The following IL27RA variants were observed in gnomAD, a reference collection of about 807,000 sequenced individuals.
IL27RA encodes interleukin 27 receptor subunit alpha.
In IL27RA, 61 loss-of-function variants were observed where a neutral mutation model predicts 80.8. That is an observed-to-expected ratio of 0.76 (90% CI 0.61 to 0.93). The LOEUF (loss-of-function observed/expected upper bound fraction) is 0.93, where lower values mean the gene tolerates loss of function less well. Among genes scored for constraint, IL27RA ranks in the 40% least tolerant of loss-of-function variants. The pLI is 0.00. For synonymous variants in IL27RA, 316 were observed against 332.5 expected (o/e 0.95, Z 0.54); for missense variants, 735 against 808.1 (o/e 0.91, Z 1.10).
At chr19:14,050,627 G>A (rs762677633) in intron 10 of IL27RA, 131 bp from the exon 11 acceptor site, 8 of 917,272 alleles carry the variant, frequency 8.7e-6, no homozygotes, top group Non-Finnish European at 1.3e-5. Context: ...TTTGAGCAAA[G>A]ACCTAAAAGA....
At chr19:14,038,813 G>C (rs1403282019) in intron 2 of IL27RA, among the ~76,000 whole-genome samples, 1 of 151,850 alleles carries the variant, frequency 6.6e-6, no homozygotes. Flanking sequence ...GAACCTGGGA[G>C]GCAGAGGTTG....
rs893985368 is a variant in IL27RA, at chr19:14,049,219, C to T, written c.1307C>T (p.Ala436Val). 3.7e-6 allele frequency: 6 copies of T among 1,614,024 alleles called. No individual in the cohort carries two copies. Among genetic ancestry groups the T allele is most frequent in the South Asian group, 1.1e-5 (1 of 91,086 alleles). Residue 436 changes from alanine (A) to valine (V), a missense_variant, in exon 10 of 14, where the codon GCG becomes GTG. Ala to Val is a moderately conservative substitution (Grantham distance 64). Coordinates refer to ENST00000263379, the MANE Select transcript of IL27RA (RefSeq NM_004843.4). ...GCCCCTCCAGGGACCCCCGCCATAG[C>T]GTGGGGAGAGGTCCCAAGGCACCAG... ...QDAPPGTPAI[A>V]WGEVPRHQLR...
chr19:14,036,489 C>CTTTTTT (rs34609073), intron 2 of IL27RA, among the ~76,000 whole-genome samples: 1 of 135,380 alleles, frequency 7.4e-6, no homozygotes, highest in Non-Finnish European at 1.6e-5. Flanking sequence ...ACAGGATTTC[C>CTTTTTT]TTTTTTTTTT....
intron 8 of IL27RA, 145 bp downstream of exon 8, chr19:14,046,763 G>T: frequency 2.8e-6 from 2 of 725,798 alleles, no homozygotes; most frequent in Non-Finnish European, 4.4e-6. Flanking sequence ...TTGGGAGGCC[G>T]AAAGGGGCGG....
At position 14,031,945 on chromosome 19, in the gene IL27RA, G is replaced by A. The variant is rs1249731949; in HGVS notation, c.73G>A (p.Val25Met). 1 of 1,611,136 alleles carries A rather than the reference G, an allele frequency of 6.2e-7. No homozygotes were observed. Among genetic ancestry groups the A allele is most frequent in the Non-Finnish European group, 8.5e-7 (1 of 1,178,874 alleles). ...PKLALLPLLWVLFQRTRPQGS... is the reference protein window; with the variant it reads ...PKLALLPLLWMLFQRTRPQGS... ...GCTGGCGCTGCTGCCTCTGTTGTGG[G>A]TGCTTTTCCAGCGGACGCGTCCCCA... Residue 25 changes from valine (V) to methionine (M), a missense_variant, in exon 1 of 14, where the codon GTG becomes ATG. Physicochemically the swap from Val to Met is conservative, Grantham distance 21 (BLOSUM62 1). Transcript: ENST00000263379.
At chr19:14,038,894 AAAAAAG>A (rs1568500023) in intron 2 of IL27RA, among the ~76,000 whole-genome samples, 1 of 146,520 alleles carries the variant, frequency 6.8e-6, no homozygotes, top group African/African-American at 2.4e-5. Flanking sequence ...CAAAAGAAAA[AAAAAAG>A]AGAGAGAGAA....
chr19:14,042,008 G>A (rs1025086890), intron 4 of IL27RA, among the ~76,000 whole-genome samples: 4 of 152,098 alleles, frequency 2.6e-5, no homozygotes, highest in African/African-American at 7.2e-5. Context: ...AGACCATCTT[G>A]GCCAACATGG....
At position 14,038,871 on chromosome 19, in the gene IL27RA, C is replaced by CA. The variant is rs1433953911; in HGVS notation, c.219-632dup. Among the ~76,000 whole-genome samples the CA allele has an allele frequency of 2.9e-5, 3 of 103,292 alleles. 1 individual carries two copies. Among genetic ancestry groups the CA allele is most frequent in the Admixed American group, 1.1e-4 (1 of 8,746 alleles). The allele number at this position is 103,292 out of a possible 152,430, so 67.8% of individuals were successfully genotyped here. A position where few individuals can be genotyped will look rare whatever the true frequency, so the allele number is the denominator to read the frequency against. On this transcript the variant is annotated intron_variant, in intron 2 of 13. Coordinates refer to ENST00000263379, the MANE Select transcript of IL27RA (RefSeq NM_004843.4). The stretch of plus-strand genomic sequence containing the variant: ...TGCACTCCAAGCTGGGCAACAAGAA[C>CA]AAAAATCTGTCTCAAAAGAAAAAAA...
intron 8 of IL27RA, among the ~76,000 whole-genome samples, chr19:14,048,429 A>G (rs143119833): frequency 1.2e-3 from 181 of 152,282 alleles, no homozygotes; most frequent in African/African-American, 4.2e-3. Context: ...GGGGAAGGCT[A>G]TGTGGATGTG....
chr19:14,045,252 A>T (rs564641100), intron 6 of IL27RA, among the ~76,000 whole-genome samples: 9 of 150,412 alleles, frequency 6.0e-5, no homozygotes, highest in Admixed American at 2.7e-4. Flanking sequence ...GCACCACCGC[A>T]CTTCAGCCTG....
chr19:14,038,073 A>G (rs1599297930), intron 2 of IL27RA, among the ~76,000 whole-genome samples: 1 of 150,348 alleles, frequency 6.7e-6, no homozygotes, highest in Non-Finnish European at 1.5e-5. Flanking sequence ...TTCGTGATCC[A>G]CCTGCCTCGG....
In IL27RA at chr19:14,050,777, T is replaced by A. The variant is rs1468333933; in HGVS notation, c.1422T>A (p.Ser474Arg). 2 of 1,612,776 alleles carry A rather than the reference T, an allele frequency of 1.2e-6. No individual in the cohort carries two copies. Among genetic ancestry groups the A allele is most frequent in the African/African-American group, 2.7e-5 (2 of 74,860 alleles). The stretch of plus-strand genomic sequence containing the variant: ...CTCCAGTGAGTGGCAACACACAGAG[T>A]GTCACCCTGCCTGACCTTCCTTGGG... ...VCMNVSGNTQ[S>R]VTLPDLPWGP... The change falls in exon 11 of 14, where the codon AGT (serine) becomes AGA (arginine). Residue 474 changes from serine (S) to arginine (R), a missense_variant. Transcript: ENST00000263379.
rs765424605 is a variant in IL27RA at position 14,031,942 on chromosome 19, TG to T, written c.73del (p.Val25CysfsTer26). On this transcript the variant is annotated frameshift_variant, in exon 1 of 14. Transcript: ENST00000263379. LOFTEE classifies it high-confidence loss of function. ...LPKLALLPLL[W>X]VLFQRTRPQG... The stretch of plus-strand genomic sequence containing the variant: ...CAAGCTGGCGCTGCTGCCTCTGTTG[TG>T]GGTGCTTTTCCAGCGGACGCGTCCC... 13 of 1,611,224 alleles carry T rather than the reference TG, an allele frequency of 8.1e-6. No individual in the cohort carries two copies. The highest frequency in any genetic ancestry group is 1.1e-5 in the Non-Finnish European group (13 of 1,178,846).
Position 14,042,734 on chromosome 19 carries a change from T to C in IL27RA, c.713T>C (p.Val238Ala). The C allele has an allele frequency of 6.2e-7, 1 of 1,614,056 alleles. No individual in the cohort carries two copies. Among genetic ancestry groups the C allele is most frequent in the African/African-American group, 1.3e-5 (1 of 75,024 alleles). The part of the protein sequence containing the change: ...TPPSAPKDVW[V>A]SGNLCGTPGG... ...TTGCCAGCTCCAAAAGATGTGTGGGTATCAGGGAACCTCTGTGGGACGCCT... is the reference window on the plus strand; with the variant it reads ...TTGCCAGCTCCAAAAGATGTGTGGGCATCAGGGAACCTCTGTGGGACGCCT... Residue 238 changes from valine to alanine, a missense_variant, in exon 6 of 14, where the codon GTA (valine) becomes GCA (alanine). Val to Ala is a moderately conservative substitution (Grantham distance 64, BLOSUM62 0). Coordinates refer to ENST00000263379, the MANE Select transcript of IL27RA (RefSeq NM_004843.4).
chr19:14,051,954 C>T lies in IL27RA; in HGVS notation c.1697C>T (p.Ser566Leu), dbSNP rs1408793284. The change falls in exon 13 of 14, where the codon TCA (serine) becomes TTA (leucine). Residue 566 changes from serine (S) to leucine (L), a missense_variant. Coordinates refer to ENST00000263379, the MANE Select transcript of IL27RA (RefSeq NM_004843.4). Reference sequence around the variant, plus strand: ...GTTCCTGATCCTGCCAACAGCAGTTCAGGCCAGCCCCACATGGAGGTGAGT... The same window carrying T: ...GTTCCTGATCCTGCCAACAGCAGTTTAGGCCAGCCCCACATGGAGGTGAGT... ...EKVPDPANSS[S>L]GQPHMEQVPE... is the part of the protein sequence containing the mutation. The T allele has an allele frequency of 1.9e-6, 3 of 1,586,502 alleles. No individual in the cohort carries two copies. The highest frequency in any genetic ancestry group is 1.7e-4 in the Middle Eastern group (1 of 6,014).
chr19:14,033,923 C>T (rs1211678268), intron 2 of IL27RA, among the ~76,000 whole-genome samples: 1 of 152,004 alleles, frequency 6.6e-6, no homozygotes, highest in Non-Finnish European at 1.5e-5. Context: ...GAGATCGCAC[C>T]ACTGCACTCC....
chr19:14,047,153 C>T (rs1415220122), intron 8 of IL27RA, among the ~76,000 whole-genome samples: 5 of 150,616 alleles, frequency 3.3e-5, no homozygotes, highest in African/African-American at 1.2e-4. Flanking sequence ...AAGTGATTCT[C>T]GTGACTCAGC....
chr19:14,038,020 G>C (rs945212676), intron 2 of IL27RA, among the ~76,000 whole-genome samples: 1 of 151,510 alleles, frequency 6.6e-6, no homozygotes, highest in African/African-American at 2.4e-5. Flanking sequence ...TAGTAGAGAC[G>C]GGGGTTTCAC....
chr19:14,052,031 G>T, intron 13 of IL27RA, 58 bp downstream of exon 13: 3 of 1,574,538 alleles, frequency 1.9e-6, no homozygotes, highest in East Asian at 4.6e-5. Flanking sequence ...TCCTGGGGCA[G>T]TGGGGAGGGG....
Sources: allele counts gnomAD v4.1 joint callset (sites outside exome capture counted in the v4.1 genomes callset), GRCh38; gene constraint gnomAD v4.1.1; transcripts MANE v1.5; gene names NCBI Gene and HGNC (gene_info 2026-07-23, HGNC 2026-07-21).